The following PCGF5 variants were observed in gnomAD, a reference collection of about 807,000 sequenced individuals.
PCGF5 encodes polycomb group RING finger protein 5.
Under a neutral mutation model 44.3 loss-of-function variants are expected in PCGF5, and 9 were observed. That is an observed-to-expected ratio of 0.20 (90% confidence interval 0.12 to 0.35). The LOEUF is 0.35. Among genes scored for constraint, PCGF5 ranks in the 10% least tolerant of loss-of-function variants. The pLI is 1.00. For missense variants in PCGF5, 146 were observed against 305.3 expected (o/e 0.48, Z 3.89); for synonymous variants, 95 against 102.5 (o/e 0.93, Z 0.44).
In PCGF5 at chr10:91,278,867, G is replaced by A. The variant is rs1490574505; in HGVS notation, c.*551G>A. On this transcript the variant is annotated 3_prime_UTR_variant, in exon 10 of 10. Transcript: ENST00000336126. ...CATTCTTGAGTGTGCAAGTCCTTTT[G>A]CCAAGAATTCCAATTATTCTGTAAC... The A allele has an allele frequency of 2.0e-5, 3 of 153,072 alleles. No individual in the cohort carries two copies. Among genetic ancestry groups the A allele is most frequent in the Admixed American group, 6.5e-5 (1 of 15,342 alleles). The allele number at this position is 153,072 out of a possible 1,614,324, so 9.5% of individuals were successfully genotyped here.
Position 91,187,035 on chromosome 10 carries a change from G to C in PCGF5, c.-184+23954G>C, listed in dbSNP as rs190194771. 3.6e-3 allele frequency among the ~76,000 whole-genome samples: 541 copies of C among 152,228 alleles called. 1 individual carries two copies. Among genetic ancestry groups the C allele is most frequent in the Non-Finnish European group, 4.2e-3 (285 of 68,002 alleles). The stretch of plus-strand genomic sequence containing the variant: ...ATTCTGGTTTAGTTAGTCTCAGGTG[G>C]GGTCTGAGATTCTGCATTTCTGAGT... On this transcript the variant is annotated intron_variant, in intron 1 of 9. Transcript: ENST00000614189.
upstream of PCGF5, chr10:91,220,161 C>G (rs1249136296): frequency 7.0e-6 from 1 of 142,572 alleles, no homozygotes; most frequent in Admixed American, 7.0e-5. Context: ...CACAACGTTC[C>G]CGTTTGCTTA....
At chr10:91,229,151 T>C (rs1217709348) in intron 2 of PCGF5, among the ~76,000 whole-genome samples, 3 of 152,192 alleles carry the variant, frequency 2.0e-5, no homozygotes, top group Non-Finnish European at 4.4e-5. Context: ...CCCTTCTAGT[T>C]AGGTGGTATT....
At chr10:91,254,056 A>G (rs1437793297) in intron 6 of PCGF5, among the ~76,000 whole-genome samples, 2 of 152,012 alleles carry the variant, frequency 1.3e-5, no homozygotes, top group African/African-American at 4.8e-5. Context: ...AACTCCTTAC[A>G]TTAGTATTCA....
intron 6 of PCGF5, among the ~76,000 whole-genome samples, chr10:91,258,362 G>A (rs148301306): frequency 6.6e-6 from 1 of 152,094 alleles, no homozygotes; most frequent in Admixed American, 6.6e-5. Context: ...TTCCAGTACA[G>A]GTTGAGTATC....
chr10:91,190,105 G>A (rs1844004494), intron 1 of PCGF5, among the ~76,000 whole-genome samples: 1 of 152,178 alleles, frequency 6.6e-6, no homozygotes, highest in South Asian at 2.1e-4. Flanking sequence ...CAACATCAAG[G>A]CATGGGCAGA....
chr10:91,200,783 TC>T (rs1844237711), intron 1 of PCGF5, among the ~76,000 whole-genome samples: 1 of 152,172 alleles, frequency 6.6e-6, no homozygotes, highest in South Asian at 2.1e-4. Flanking sequence ...TTTGGTTTCT[TC>T]CTGTATACGG....
chr10:91,172,422 G>GA lies in PCGF5; in HGVS notation c.-184+9351dup, dbSNP rs958343900. Among the ~76,000 whole-genome samples, 134 of 146,474 alleles carry GA rather than the reference G, an allele frequency of 9.1e-4. 1 individual carries two copies. The highest frequency in any genetic ancestry group is 2.2e-3 in the African/African-American group (87 of 39,852). ...CCACAGAATGAAACTCCCCTTCAGAGAAAAAAAAAATGCCCTCTAGGGCAG... is the reference window on the plus strand; with the variant it reads ...CCACAGAATGAAACTCCCCTTCAGAGAAAAAAAAAAATGCCCTCTAGGGCAG... On this transcript the variant is annotated intron_variant, in intron 1 of 9. Transcript: ENST00000614189.
At position 91,279,108 on chromosome 10, in the gene PCGF5, T is replaced by A. The variant is rs986715643; in HGVS notation, c.*792T>A. ...GTTAATCTTCTTTCATAATGCCTTA[T>A]GACAAGCAGGTGCTGCTTCATGAAA... On this transcript the variant is annotated 3_prime_UTR_variant, in exon 10 of 10. Transcript: ENST00000336126. The A allele has an allele frequency of 6.6e-6, 1 of 152,336 alleles. No homozygotes were observed. The allele number at this position is 152,336 out of a possible 1,614,324, so 9.4% of individuals were successfully genotyped here.
Position 91,281,991 on chromosome 10 carries a change from G to A in PCGF5, c.*3675G>A, listed in dbSNP as rs956205221. ...TTGAGAGGGTTTTTATTTCATGGAGGCAGTGTTAACTAAAATTAAGCTTAG... is the reference window on the plus strand; with the variant it reads ...TTGAGAGGGTTTTTATTTCATGGAGACAGTGTTAACTAAAATTAAGCTTAG... On this transcript the variant is annotated 3_prime_UTR_variant, in exon 10 of 10. Transcript: ENST00000336126. 5.9e-5 allele frequency: 9 copies of A among 152,082 alleles called. No homozygotes were observed. The highest frequency in any genetic ancestry group is 1.7e-4 in the African/African-American group (7 of 41,404). The allele number at this position is 152,082 out of a possible 1,614,324, so 9.4% of individuals were successfully genotyped here.
chr10:91,220,842 TACCGGGC>T lies in PCGF5; in HGVS notation c.-184+7_-184+13del, dbSNP rs1844654520. ...GCGGCGGTGGCGGCCGCTGGGTAGG[TACCGGGC>T]GGGCTGGGGAGCTGCAGGGACGCCA... On this transcript the variant is annotated splice_region_variant and intron_variant, in intron 1 of 9. Transcript: ENST00000336126. The T allele has an allele frequency of 6.5e-6, 1 of 153,626 alleles. No homozygotes were observed. Among genetic ancestry groups the T allele is most frequent in the Admixed American group, 6.6e-5 (1 of 15,266 alleles). The allele number at this position is 153,626 out of a possible 1,614,324, so 9.5% of individuals were successfully genotyped here. A position where few individuals can be genotyped will look rare whatever the true frequency, so the allele number is the denominator to read the frequency against.
rs2093827845 is a variant in PCGF5 at position 91,280,360 on chromosome 10, A to G, written c.*2044A>G. ...GTTTTGGCCCCCCAGCCAAAACTTA[A>G]TGGTCATAAATGAATTTTATCTACA... On this transcript the variant is annotated 3_prime_UTR_variant, in exon 10 of 10. Coordinates refer to ENST00000336126, the MANE Select transcript of PCGF5 (RefSeq NM_032373.5). 1 of 152,204 alleles carries G rather than the reference A, an allele frequency of 6.6e-6. No individual in the cohort carries two copies. Among genetic ancestry groups the G allele is most frequent in the South Asian group, 2.1e-4 (1 of 4,836 alleles). 9.4% of individuals were successfully genotyped at this position (152,204 alleles called of 1,614,324 possible).
In PCGF5 at chr10:91,184,132, A is replaced by C. The variant is rs529624004; in HGVS notation, c.-184+21051A>C. On this transcript the variant is annotated intron_variant, in intron 1 of 9. Coordinates refer to the PCGF5 transcript ENST00000614189. The stretch of plus-strand genomic sequence containing the variant: ...GTCTAGCTAGGTTGGGTACATTCTC[A>C]TGGATGATATCCTAAAATATGTTTT... Among the ~76,000 whole-genome samples the C allele has an allele frequency of 5.9e-5, 9 of 152,260 alleles. No individual in the cohort carries two copies. The East Asian group carries it at 1.7e-3, about 29-fold the overall frequency.
At chr10:91,254,357 T>C (rs1192982946) in intron 6 of PCGF5, among the ~76,000 whole-genome samples, 7 of 151,982 alleles carry the variant, frequency 4.6e-5, no homozygotes, top group African/African-American at 1.7e-4. Flanking sequence ...TCTTCCACCA[T>C]CCTATGCTTC....
intron 5 of PCGF5, among the ~76,000 whole-genome samples, chr10:91,249,765 AT>A (rs1010077080): frequency 1.3e-5 from 2 of 151,378 alleles, no homozygotes; most frequent in African/African-American, 4.9e-5. Flanking sequence ...ACAAGAGACT[AT>A]TTTTTATCTG....
At chr10:91,209,891 A>C (rs1844417303) in intron 1 of PCGF5, among the ~76,000 whole-genome samples, 1 of 152,196 alleles carries the variant, frequency 6.6e-6, no homozygotes. Context: ...GAATGAATGA[A>C]TGTGGAACCA....
chr10:91,236,109 T>A (rs1247194610), intron 2 of PCGF5, among the ~76,000 whole-genome samples: 1 of 150,760 alleles, frequency 6.6e-6, no homozygotes, highest in Non-Finnish European at 1.5e-5. Flanking sequence ...ATTAAAAAAA[T>A]ATGATATGAA....
rs1165416137 is a variant in PCGF5, at chr10:91,280,242, G to T, written c.*1926G>T. ...ATTATTATAAATTTGTCACACCTAG[G>T]TCAGCGATTAAAATAGTGTTTTGCA... is the stretch of plus-strand genomic sequence containing the variant. On this transcript the variant is annotated 3_prime_UTR_variant, in exon 10 of 10. Coordinates refer to ENST00000336126, the MANE Select transcript of PCGF5 (RefSeq NM_032373.5). 1 of 151,938 alleles carries T rather than the reference G, an allele frequency of 6.6e-6. No individual in the cohort carries two copies. Among genetic ancestry groups the T allele is most frequent in the African/African-American group, 2.4e-5 (1 of 41,414 alleles). 9.4% of individuals were successfully genotyped at this position (151,938 alleles called of 1,614,324 possible). A position where few individuals can be genotyped will look rare whatever the true frequency, so the allele number is the denominator to read the frequency against.
At chr10:91,260,815 T>TG (rs1845886392) in intron 6 of PCGF5, among the ~76,000 whole-genome samples, 2 of 25,420 alleles carry the variant, frequency 7.9e-5, no homozygotes, top group Admixed American at 5.7e-4. Flanking sequence ...TGTTGTGGGG[T>TG]GGGGGAGGGG....
Sources: gnomAD v4.1 joint callset for allele counts (sites outside exome capture counted in the v4.1 genomes callset) on GRCh38, gnomAD v4.1.1 for gene constraint, MANE v1.5 for transcripts, NCBI Gene and HGNC (gene_info 2026-07-23, HGNC 2026-07-21) for gene names.